The following KANSL1L variants were observed in gnomAD, a reference collection of about 807,000 sequenced individuals.
KANSL1L encodes the protein KAT8 regulatory NSL complex subunit 1-like protein.
KANSL1L carries 25 observed loss-of-function variants against 108.6 expected under a neutral mutation model. The ratio of observed to expected loss-of-function variants is 0.23; its 90% confidence interval spans 0.17 to 0.32. The LOEUF is 0.32. Among genes scored for constraint, KANSL1L ranks in the 10% least tolerant of loss-of-function variants. KANSL1L has a pLI of 1.00. For synonymous variants in KANSL1L, 405 were observed against 395.1 expected, an observed-to-expected ratio of 1.03 and a Z score of -0.30; for missense variants, 1,137 against 1,125.7, an observed-to-expected ratio of 1.01 and a Z score of -0.14.
intron 6 of KANSL1L, among the ~76,000 whole-genome samples, chr2:210,070,000 T>C (rs914188030): frequency 2.0e-5 from 3 of 150,968 alleles, no homozygotes; most frequent in Non-Finnish European, 4.4e-5. Flanking sequence ...GGCTAACTTT[T>C]GTATTTTTAG....
At chr2:210,037,777 G>A (rs562222056) in intron 8 of KANSL1L, among the ~76,000 whole-genome samples, 9 of 152,140 alleles carry the variant, frequency 5.9e-5, no homozygotes, top group Admixed American at 2.0e-4. Flanking sequence ...GAAAAAGTAC[G>A]TCTGGGTTTA....
At chr2:210,059,017 C>T (rs752332094) in intron 6 of KANSL1L, among the ~76,000 whole-genome samples, 1 of 151,210 alleles carries the variant, frequency 6.6e-6, no homozygotes, top group African/African-American at 2.4e-5. Flanking sequence ...CATGAAATAT[C>T]GGGGGTGAAT....
At chr2:210,104,584 T>C (rs996462536) in intron 3 of KANSL1L, among the ~76,000 whole-genome samples, 1 of 152,068 alleles carries the variant, frequency 6.6e-6, no homozygotes, top group Non-Finnish European at 1.5e-5. Context: ...CATGACATAT[T>C]AAAATAAAAA....
intron 2 of KANSL1L, among the ~76,000 whole-genome samples, chr2:210,131,679 G>A (rs919985009): frequency 1.3e-5 from 2 of 151,458 alleles, no homozygotes; most frequent in African/African-American, 2.4e-5. Context: ...AAATCGCATC[G>A]GACGCTTTGT....
chr2:210,070,224 C>CTTTTTTTTTTTTTTTTTT (rs71043971), intron 6 of KANSL1L, among the ~76,000 whole-genome samples: 1 of 77,542 alleles, frequency 1.3e-5, no homozygotes, highest in Non-Finnish European at 2.1e-5. Flanking sequence ...TTTCTCCGTT[C>CTTTTTTTTTTTTTTTTTT]TTTTTTTTTT....
intron 2 of KANSL1L, among the ~76,000 whole-genome samples, chr2:210,140,943 T>C (rs1057211164): frequency 6.6e-6 from 1 of 152,304 alleles, no homozygotes; most frequent in East Asian, 1.9e-4. Flanking sequence ...ATAGAAATAA[T>C]ACAGATCTTT....
intron 6 of KANSL1L, among the ~76,000 whole-genome samples, chr2:210,064,956 G>T (rs1486590271): frequency 6.6e-6 from 1 of 151,898 alleles, no homozygotes; most frequent in Non-Finnish European, 1.5e-5. Flanking sequence ...AGGGCCAAAT[G>T]GTTTCATTTA....
chr2:210,129,676 A>AT (rs1327845251), intron 2 of KANSL1L, among the ~76,000 whole-genome samples: 1 of 152,178 alleles, frequency 6.6e-6, no homozygotes, highest in Non-Finnish European at 1.5e-5. Flanking sequence ...TATTTAAATC[A>AT]TTTTTTAAAA....
chr2:210,133,574 C>T (rs2095146426), intron 2 of KANSL1L, among the ~76,000 whole-genome samples: 1 of 151,550 alleles, frequency 6.6e-6, no homozygotes, highest in Non-Finnish European at 1.5e-5. Flanking sequence ...TTATCATCAC[C>T]TTTTCCTTCT....
At chr2:210,155,895 C>T (rs2095330605) in intron 1 of KANSL1L, among the ~76,000 whole-genome samples, 1 of 152,130 alleles carries the variant, frequency 6.6e-6, no homozygotes, top group Non-Finnish European at 1.5e-5. Context: ...AGTTATAACT[C>T]TACTTCCTTT....
chr2:210,096,778 T>A, intron 5 of KANSL1L: 2 of 954,720 alleles, frequency 2.1e-6, no homozygotes, highest in Non-Finnish European at 2.5e-6. Context: ...GAGGAATGAA[T>A]ATAAAGTCGA....
At chr2:210,170,746 A>G (rs1456859537) in intron 1 of KANSL1L, 1 of 152,272 alleles carries the variant, frequency 6.6e-6, no homozygotes, top group African/African-American at 2.4e-5. Flanking sequence ...CCAATGGGTG[A>G]GGCTCAGCCG....
chr2:210,106,682 T>C (rs1454794849), intron 3 of KANSL1L, among the ~76,000 whole-genome samples: 2 of 151,484 alleles, frequency 1.3e-5, no homozygotes, highest in Non-Finnish European at 2.9e-5. Flanking sequence ...GGCAAAAGAA[T>C]TGCTTGAACC....
In KANSL1L at chr2:210,031,471, G is replaced by A; in HGVS notation, c.2105C>T (p.Ala702Val). ...TTTCTTTCTTCCCTGTAACAGTTGT[G>A]CAGAAGATTCTGACCTTATTTGAGG... Reference protein sequence around the residue: ...CKPQIRSESSAQLLQGRKKRH... With the variant: ...CKPQIRSESSVQLLQGRKKRH... Residue 702 changes from alanine (A) to valine (V), a missense_variant, in exon 9 of 15, where the codon GCA (alanine) becomes GTA (valine). Coordinates refer to ENST00000281772, the MANE Select transcript of KANSL1L (RefSeq NM_152519.4). 1 of 1,596,672 alleles carries A rather than the reference G, an allele frequency of 6.3e-7. No homozygotes were observed. The highest frequency in any genetic ancestry group is 8.6e-7 in the Non-Finnish European group (1 of 1,165,706).
chr2:210,024,193 C>T lies in KANSL1L; in HGVS notation c.2573G>A (p.Ser858Asn), dbSNP rs1186915047. 1 of 1,564,312 alleles carries T rather than the reference C, an allele frequency of 6.4e-7. No homozygotes were observed. The change falls in exon 14 of 15, where the codon AGT (serine) becomes AAT (asparagine). Residue 858 changes from serine (S) to asparagine (N), a missense_variant. By Grantham distance (46) the Ser-to-Asn change is conservative. Transcript: ENST00000281772. ...KWHRRNSRAY[S>N]KNVEGQDLLL... ...CAAGTCCTGTCCTTCAACATTTTTACTGTAAGCTCTAGCAAGAAAATCAGG... is the reference window on the plus strand; with the variant it reads ...CAAGTCCTGTCCTTCAACATTTTTATTGTAAGCTCTAGCAAGAAAATCAGG...
intron 5 of KANSL1L, among the ~76,000 whole-genome samples, chr2:210,087,262 C>T (rs2094646676): frequency 6.6e-6 from 1 of 152,100 alleles, no homozygotes. Context: ...TGGTGATCCT[C>T]CTGCATCAGC....
At chr2:210,103,834 G>A (rs955322912) in intron 4 of KANSL1L, among the ~76,000 whole-genome samples, 1 of 151,434 alleles carries the variant, frequency 6.6e-6, no homozygotes, top group Non-Finnish European at 1.5e-5. Flanking sequence ...GTTAGAAAAA[G>A]GATTTTCTAA....
At chr2:210,026,867 T>C (rs764342044) in intron 12 of KANSL1L, among the ~76,000 whole-genome samples, 9 of 152,056 alleles carry the variant, frequency 5.9e-5, no homozygotes, top group Non-Finnish European at 1.3e-4. Flanking sequence ...GCCTCCCGGG[T>C]TCACGCTATT....
intron 3 of KANSL1L, among the ~76,000 whole-genome samples, chr2:210,110,426 T>A (rs2094892571): frequency 6.6e-6 from 1 of 152,184 alleles, no homozygotes; most frequent in South Asian, 2.1e-4. Context: ...GGCCTTGAAT[T>A]TCTAGAAACC....
Sources: gnomAD v4.1 joint callset for allele counts (sites outside exome capture counted in the v4.1 genomes callset) on GRCh38, gnomAD v4.1.1 for gene constraint, MANE v1.5 for transcripts, NCBI Gene and HGNC (gene_info 2026-07-23, HGNC 2026-07-21) for gene names.